Variants in CSE1L observed in about 807,000 individuals in gnomAD.
CSE1L encodes the protein exportin-2.
A neutral mutation model predicts 120.4 loss-of-function variants in CSE1L; 24 were observed. That is an observed-to-expected ratio of 0.20 (90% confidence interval 0.14 to 0.28). CSE1L has a LOEUF of 0.28. Among genes scored for constraint, CSE1L ranks in the 10% least tolerant of loss-of-function variants. The probability of loss-of-function intolerance (pLI) is 1.00; values close to 1 mark genes in which losing one functional copy is unlikely to be tolerated. For missense variants in CSE1L, 830 were observed against 1,145.2 expected (o/e 0.72, Z 3.97); for synonymous variants, 402 against 398.3 (o/e 1.01, Z -0.11).
chr20:49,082,215 T>G (rs1371564591), intron 14 of CSE1L, among the ~76,000 whole-genome samples: 1 of 152,118 alleles, frequency 6.6e-6, no homozygotes, highest in Non-Finnish European at 1.5e-5. Context: ...GTTTTAATTT[T>G]TTTTTAGATG....
intron 1 of CSE1L, among the ~76,000 whole-genome samples, chr20:49,057,452 G>GC (rs1431641171): frequency 1.5e-5 from 2 of 129,658 alleles, no homozygotes; most frequent in South Asian, 2.4e-4. Context: ...TCGTTGTGGG[G>GC]CCTTTTTTTT....
At position 49,089,761 on chromosome 20, in the gene CSE1L, G is replaced by T. The variant is rs773236950; in HGVS notation, c.2181+15G>T. ...CTGACAAAATTGTGCGTCAGGTTTT[G>T]ATATAACTGTAATTTTATAAAGTAG... On this transcript the variant is annotated intron_variant, in intron 19 of 24. Transcript: ENST00000262982. 2 of 1,610,372 alleles carry T rather than the reference G, an allele frequency of 1.2e-6. No individual in the cohort carries two copies. Among genetic ancestry groups the T allele is most frequent in the South Asian group, 2.2e-5 (2 of 90,930 alleles).
At chr20:49,047,794 A>T (rs2091731369) in intron 1 of CSE1L, among the ~76,000 whole-genome samples, 1 of 151,862 alleles carries the variant, frequency 6.6e-6, no homozygotes, top group African/African-American at 2.4e-5. Context: ...CATGTTGATC[A>T]GGCTGTCTAA....
chr20:49,076,611 C>G (rs530826884), intron 12 of CSE1L, among the ~76,000 whole-genome samples: 21 of 141,212 alleles, frequency 1.5e-4, no homozygotes, highest in Non-Finnish European at 3.2e-4. Context: ...ATTACTGCAA[C>G]CTCTGCCTCC....
chr20:49,063,727 C>T (rs1413727537), intron 3 of CSE1L, among the ~76,000 whole-genome samples: 1 of 152,198 alleles, frequency 6.6e-6, no homozygotes, highest in East Asian at 1.9e-4. Flanking sequence ...ATGCTTTACT[C>T]ACCGCCTACT....
chr20:49,088,302 G>T (rs975689969), intron 17 of CSE1L, among the ~76,000 whole-genome samples, 196 bp downstream of exon 17: 1 of 152,182 alleles, frequency 6.6e-6, no homozygotes. Context: ...TTAAGTGTGT[G>T]CTAGAAGCTT....
chr20:49,065,948 A>T (rs1164813393), intron 3 of CSE1L, among the ~76,000 whole-genome samples: 1 of 152,150 alleles, frequency 6.6e-6, no homozygotes. Context: ...ACTAATTTGT[A>T]TGTAAAATAT....
At chr20:49,096,080 C>T (rs2092138248) in intron 24 of CSE1L, 2 of 607,312 alleles carry the variant, frequency 3.3e-6, no homozygotes, top group Non-Finnish European at 6.0e-6. Flanking sequence ...GCGTAAGTAC[C>T]TTATTCTACA....
intron 22 of CSE1L, among the ~76,000 whole-genome samples, chr20:49,092,891 A>G (rs980040754): frequency 6.6e-6 from 1 of 152,104 alleles, no homozygotes; most frequent in African/African-American, 2.4e-5. Context: ...CAATTTTAGT[A>G]TATGTGCTGC....
chr20:49,049,559 A>G (rs1401589091), intron 1 of CSE1L, among the ~76,000 whole-genome samples: 1 of 152,296 alleles, frequency 6.6e-6, no homozygotes, highest in Middle Eastern at 3.4e-3. Context: ...CTAATATTTC[A>G]GAGTGTCAAA....
chr20:49,091,975 T>C, intron 21 of CSE1L, 71 bp from the exon 22 acceptor site: 1 of 801,164 alleles, frequency 1.2e-6, no homozygotes. Flanking sequence ...TAGGTTTATT[T>C]TGCAGACTTA....
intron 14 of CSE1L, among the ~76,000 whole-genome samples, chr20:49,080,781 C>T (rs988223124): frequency 3.3e-5 from 5 of 151,936 alleles, no homozygotes; most frequent in African/African-American, 1.2e-4. Flanking sequence ...CGGCCTTATT[C>T]ATTTATTTTT....
intron 19 of CSE1L, 108 bp from the exon 20 acceptor site, chr20:49,090,634 A>C (rs2092093847): frequency 1.3e-6 from 1 of 795,194 alleles, no homozygotes; most frequent in African/African-American, 1.7e-5. Context: ...TAAAGAGAAA[A>C]GGATAGATTA....
At chr20:49,083,169 C>T (rs1362149962) in intron 14 of CSE1L, among the ~76,000 whole-genome samples, 3 of 151,866 alleles carry the variant, frequency 2.0e-5, no homozygotes, top group South Asian at 4.2e-4. Flanking sequence ...GGACTACAGG[C>T]GCATGCCACC....
chr20:49,080,539 C>T lies in CSE1L; in HGVS notation c.1482+1917C>T, dbSNP rs543935352. 7.2e-5 allele frequency among the ~76,000 whole-genome samples: 11 copies of T among 152,218 alleles called. No homozygotes were observed. In the South Asian group the frequency reaches 1.7e-3, roughly 23 times the overall value. ...CGCTCTCGTTGCCCAGGCAATGGAA[C>T]GATCTCGGCTCACCGCAACATGCGT... On this transcript the variant is annotated intron_variant, in intron 14 of 24. Coordinates refer to ENST00000262982, the MANE Select transcript of CSE1L (RefSeq NM_001316.4).
intron 10 of CSE1L, 78 bp from the exon 11 acceptor site, chr20:49,074,707 A>G: frequency 3.3e-6 from 4 of 1,206,246 alleles, no homozygotes; most frequent in East Asian, 2.4e-5. Flanking sequence ...GCAGTTTTAC[A>G]TACTCTTCTG....
intron 1 of CSE1L, among the ~76,000 whole-genome samples, chr20:49,053,147 C>CTCTT (rs1391411563): frequency 9.0e-5 from 11 of 122,712 alleles, no homozygotes; most frequent in African/African-American, 3.4e-4. Flanking sequence ...CCCTGTCTCT[C>CTCTT]TTTTTTTTTT....
intron 16 of CSE1L, among the ~76,000 whole-genome samples, chr20:49,085,613 C>A (rs2092050326): frequency 8.8e-6 from 1 of 113,266 alleles, no homozygotes; most frequent in Admixed American, 1.1e-4. Context: ...GCTCTGTTGC[C>A]CAGGCTGAAG....
intron 8 of CSE1L, among the ~76,000 whole-genome samples, chr20:49,071,678 G>T (rs1157788046): frequency 2.0e-5 from 3 of 152,008 alleles, no homozygotes; most frequent in Non-Finnish European, 4.4e-5. Context: ...GGCTTGCTGT[G>T]TTGCCCAGGC....
Sources: gnomAD v4.1 joint callset for allele counts (sites outside exome capture counted in the v4.1 genomes callset) on GRCh38, gnomAD v4.1.1 for gene constraint, MANE v1.5 for transcripts, NCBI Gene and HGNC (gene_info 2026-07-23, HGNC 2026-07-21) for gene names.